Variants in DNAJB2 observed in about 807,000 individuals in gnomAD.
The protein encoded by DNAJB2 is DnaJ heat shock protein family (Hsp40) member B2.
Under a neutral mutation model 33.3 loss-of-function variants are expected in DNAJB2, and 19 were observed. The ratio of observed to expected loss-of-function variants is 0.57; its 90% CI spans 0.40 to 0.84. DNAJB2 has a LOEUF of 0.84. Among genes scored for constraint, DNAJB2 ranks in the 40% least tolerant of loss-of-function variants. The pLI, the probability that DNAJB2 is intolerant of heterozygous loss-of-function variation, is 0.00. For missense variants in DNAJB2, 368 were observed against 430.9 expected, an observed-to-expected ratio of 0.85 and a Z score of 1.29; for synonymous variants, 172 against 164.6, an observed-to-expected ratio of 1.04 and a Z score of -0.34.
chr2:219,283,675 C>A (rs1407448561), intron 8 of DNAJB2, among the ~76,000 whole-genome samples, 186 bp downstream of exon 8: 1 of 152,190 alleles, frequency 6.6e-6, no homozygotes, highest in Non-Finnish European at 1.5e-5. Flanking sequence ...GAAGCCATCG[C>A]CGTCACTGTG....
intron 7 of DNAJB2, 35 bp from the exon 8 acceptor site, chr2:219,283,384 A>G (rs1301732400): frequency 1.9e-6 from 3 of 1,611,650 alleles, no homozygotes; most frequent in Non-Finnish European, 2.5e-6. Flanking sequence ...GGATTCTGTC[A>G]CTGCTCGTTG....
intron 5 of DNAJB2, chr2:219,282,627 CT>C (rs1243750439): frequency 2.1e-6 from 1 of 486,760 alleles, no homozygotes; most frequent in East Asian, 3.4e-5. Context: ...CCCCTCCTTC[CT>C]TCCTTTATTC....
At chr2:219,280,246 G>C (rs556672818) in intron 2 of DNAJB2, 1 of 518,988 alleles carries the variant, frequency 1.9e-6, no homozygotes, top group Non-Finnish European at 3.5e-6. Context: ...GTGCAAAGAG[G>C]CTCTATGAGG....
At position 219,285,037 on chromosome 2, in the gene DNAJB2, T is replaced by C. The variant is rs1951942821; in HGVS notation, c.*50T>C. ...CCAGATCTTGACTGGGGGGTCTGAC[T>C]CACTGTGGGAAGAGAAGAGGGGAGT... On this transcript the variant is annotated 3_prime_UTR_variant, in exon 9 of 9. Transcript: ENST00000336576. 6.9e-7 allele frequency: 1 copy of C among 1,443,060 alleles called. No homozygotes were observed. The highest frequency in any genetic ancestry group is 9.2e-7 in the Non-Finnish European group (1 of 1,092,138). 89.4% of individuals were successfully genotyped at this position (1,443,060 alleles called of 1,614,324 possible).
chr2:219,283,408 G>A lies in DNAJB2; in HGVS notation c.549-11G>A. 6.2e-7 allele frequency: 1 copy of A among 1,613,640 alleles called. No individual in the cohort carries two copies. The highest frequency in any genetic ancestry group is 8.5e-7 in the Non-Finnish European group (1 of 1,179,668). Reference sequence around the variant, plus strand: ...CACTGCTCGTTGCCTGAACTGTGCTGTCTCCCACAGAATCATGGAGAACGG... The same window carrying A: ...CACTGCTCGTTGCCTGAACTGTGCTATCTCCCACAGAATCATGGAGAACGG... On this transcript the variant is annotated splice_polypyrimidine_tract_variant and intron_variant, in intron 7 of 8. Coordinates refer to ENST00000336576, the MANE Select transcript of DNAJB2 (RefSeq NM_006736.6).
At position 219,283,010 on chromosome 2, in the gene DNAJB2, C is replaced by T. The variant is rs2276639; in HGVS notation, c.445+81C>T. The stretch of plus-strand genomic sequence containing the variant: ...GAGCTTGTTGCTTTTCCAAGCCTGT[C>T]TCCTGTGTTGGGAGCCCTGCCTCCA... On this transcript the variant is annotated intron_variant, in intron 6 of 8. Transcript: ENST00000336576. 258,301 of 1,567,762 alleles carry T rather than the reference C, an allele frequency of 0.16. 23,260 individuals are homozygous for T. The highest frequency in any genetic ancestry group is 0.29 in the African/African-American group (21,222 of 73,594).
chr2:219,279,423 A>C lies in DNAJB2; in HGVS notation c.-132A>C, dbSNP rs1951882864. 1 of 173,466 alleles carries C rather than the reference A, an allele frequency of 5.8e-6. No homozygotes were observed. Among genetic ancestry groups the C allele is most frequent in the African/African-American group, 2.4e-5 (1 of 41,848 alleles). 10.7% of individuals were successfully genotyped at this position (173,466 alleles called of 1,614,324 possible). A position where few individuals can be genotyped will look rare whatever the true frequency, so the allele number is the denominator to read the frequency against. On this transcript the variant is annotated 5_prime_UTR_variant, in exon 1 of 9. Transcript: ENST00000336576. This position sits in a 1 kb window ranked among gnomAD's most constrained non-coding sequence, Gnocchi z 4.9. ...CGCACAGCTGGGCCGGGCGCGTCCT[A>C]CGCAGCAGCCGCGAGCCGGGCTGCG...
Position 219,284,867 on chromosome 2 carries a change from G to C in DNAJB2, c.855G>C (p.Gly285=). 6.2e-7 allele frequency: 1 copy of C among 1,609,262 alleles called. No homozygotes were observed. The highest frequency in any genetic ancestry group is 2.2e-5 in the East Asian group (1 of 44,730). Residue 285 remains glycine, a synonymous_variant, in exon 9 of 9, where the codon GGG becomes GGC. Transcript: ENST00000336576. Reference sequence around the variant, plus strand: ...GGGAGGCACAGCACCGACGGCAGGGGCGGCCCAAGGCCCAGCACCAAGATC... The same window carrying C: ...GGGAGGCACAGCACCGACGGCAGGGCCGGCCCAAGGCCCAGCACCAAGATC... The part of the protein sequence containing the change: ...GGREAQHRRQ[G]RPKAQHQDPG...
Position 219,279,714 on chromosome 2 carries a change from C to A in DNAJB2, c.-36-84C>A. The A allele has an allele frequency of 8.9e-7, 1 of 1,126,410 alleles. No homozygotes were observed. The highest frequency in any genetic ancestry group is 1.4e-5 in the South Asian group (1 of 71,088). 69.8% of individuals were successfully genotyped at this position (1,126,410 alleles called of 1,614,324 possible). A position where few individuals can be genotyped will look rare whatever the true frequency, so the allele number is the denominator to read the frequency against. On this transcript the variant is annotated intron_variant, in intron 1 of 8. Transcript: ENST00000336576. This position sits in a 1 kb window ranked among gnomAD's most constrained non-coding sequence, Gnocchi z 4.9. ...TGTGCTCCGCTTCCAACTGGGAGCG[C>A]CTTCCGCCACCCGGGGAGGGGGACT... is the stretch of plus-strand genomic sequence containing the variant.
chr2:219,285,902 A>G lies in DNAJB2; in HGVS notation c.*915A>G. 1 of 1,580,276 alleles carries G rather than the reference A, an allele frequency of 6.3e-7. No homozygotes were observed. The highest frequency in any genetic ancestry group is 8.6e-7 in the Non-Finnish European group (1 of 1,164,916). On this transcript the variant is annotated 3_prime_UTR_variant, in exon 9 of 9. Transcript: ENST00000336576. ...GGGCTCAGGGAGAGGCCATGCGGCC[A>G]GCCCAGGTCTGCATGCTGAGCCCCA...
At chr2:219,283,832 G>A (rs1445243181) in intron 8 of DNAJB2, among the ~76,000 whole-genome samples, 2 of 152,210 alleles carry the variant, frequency 1.3e-5, no homozygotes, top group Non-Finnish European at 2.9e-5. Context: ...CTGAGCTGCA[G>A]CATAGTTAAA....
intron 6 of DNAJB2, 29 bp from the exon 7 acceptor site, chr2:219,283,104 C>T (rs1951921240): frequency 1.9e-6 from 3 of 1,606,062 alleles, no homozygotes; most frequent in South Asian, 1.1e-5. Context: ...CTAACCACCT[C>T]TCCTCCTCCT....
Position 219,282,850 on chromosome 2 carries a change from CT to C in DNAJB2, c.368del (p.Phe123SerfsTer78). ...FAELFDDLGP[F>X]SELQNRGSRH... Reference sequence around the variant, plus strand: ...TACTTGTTGCAGATGACCTGGGCCCCTTCTCAGAGCTTCAGAACCGGGGTTC... The same window carrying C: ...TACTTGTTGCAGATGACCTGGGCCCCTCTCAGAGCTTCAGAACCGGGGTTC... On this transcript the variant is annotated frameshift_variant, in exon 6 of 9. Coordinates refer to ENST00000336576, the MANE Select transcript of DNAJB2 (RefSeq NM_006736.6). LOFTEE classifies it high-confidence loss of function. 1 of 1,593,432 alleles carries C rather than the reference CT, an allele frequency of 6.3e-7. No homozygotes were observed. The highest frequency in any genetic ancestry group is 8.5e-7 in the Non-Finnish European group (1 of 1,172,756).
Position 219,284,918 on chromosome 2 carries a change from T to C in DNAJB2, c.906T>C (p.Gly302=). The change falls in exon 9 of 9, where the codon GGT becomes GGC. Residue 302 remains glycine, a synonymous_variant. Transcript: ENST00000336576. ...QDPGLGGTQE[G]ARGEATKRSP... is the part of the protein sequence containing the mutation. ...CAGGCTTGGGGGGGACCCAGGAGGG[T>C]GCGAGGGGTGAAGCAACCAAACGCA... The C allele has an allele frequency of 6.3e-7, 1 of 1,584,478 alleles. No homozygotes were observed. The highest frequency in any genetic ancestry group is 8.6e-7 in the Non-Finnish European group (1 of 1,161,948).
Position 219,280,636 on chromosome 2 carries a change from G to A in DNAJB2, c.124G>A (p.Ala42Thr), listed in dbSNP as rs748820330. 6.2e-7 allele frequency: 1 copy of A among 1,614,138 alleles called. No homozygotes were observed. The highest frequency in any genetic ancestry group is 1.1e-5 in the South Asian group (1 of 91,084). The change falls in exon 3 of 9, where the codon GCT (alanine) becomes ACT (threonine). Residue 42 changes from alanine (A) to threonine (T), a missense_variant. Coordinates refer to ENST00000336576, the MANE Select transcript of DNAJB2 (RefSeq NM_006736.6). ...CAAAAACCCAGATAATAAAGAGTTT[G>A]CTGAGAAGAAATTTAAGGAGGTGGC... ...PDKNPDNKEF[A>T]EKKFKEVAEA...
In DNAJB2 at chr2:219,285,106, A is replaced by G. The variant is rs1282549585; in HGVS notation, c.*119A>G. ...TGCTTTCCAACTCCAAGCTCCCTCC[A>G]CAAGTTTCCCTCCCAGGCCCCCCAC... is the stretch of plus-strand genomic sequence containing the variant. On this transcript the variant is annotated 3_prime_UTR_variant, in exon 9 of 9. Transcript: ENST00000336576. 8.7e-6 allele frequency: 12 copies of G among 1,386,376 alleles called. No homozygotes were observed. The highest frequency in any genetic ancestry group is 7.5e-6 in the Non-Finnish European group (8 of 1,063,774). The allele number at this position is 1,386,376 out of a possible 1,614,324, so 85.9% of individuals were successfully genotyped here. A position where few individuals can be genotyped will look rare whatever the true frequency, so the allele number is the denominator to read the frequency against.
intron 2 of DNAJB2, chr2:219,280,271 TC>T (rs1951892415): frequency 3.8e-6 from 2 of 529,636 alleles, no homozygotes; most frequent in South Asian, 4.7e-5. Context: ...GGGGCCGGTG[TC>T]CCTGTACTCT....
chr2:219,285,301 C>T lies in DNAJB2; in HGVS notation c.*314C>T, dbSNP rs934357654. On this transcript the variant is annotated 3_prime_UTR_variant, in exon 9 of 9. Coordinates refer to ENST00000336576, the MANE Select transcript of DNAJB2 (RefSeq NM_006736.6). ...GTGGTTTGGGCTGGGCCTTTTGTGC[C>T]CTGGTACTCTGCCACCTGTGTTGCT... 1.0e-5 allele frequency: 11 copies of T among 1,082,376 alleles called. No individual in the cohort carries two copies. The highest frequency in any genetic ancestry group is 1.2e-5 in the Non-Finnish European group (11 of 892,322). 67.0% of individuals were successfully genotyped at this position (1,082,376 alleles called of 1,614,324 possible).
Position 219,282,873 on chromosome 2 carries a change from G to A in DNAJB2, c.389G>A (p.Gly130Asp). The A allele has an allele frequency of 6.2e-7, 1 of 1,606,784 alleles. No individual in the cohort carries two copies. Among genetic ancestry groups the A allele is most frequent in the East Asian group, 2.2e-5 (1 of 44,852 alleles). Residue 130 changes from glycine (G) to aspartate (D), a missense_variant, in exon 6 of 9, where the codon GGT becomes GAT. Physicochemically the swap from Gly to Asp is moderately conservative, Grantham distance 94. Coordinates refer to ENST00000336576, the MANE Select transcript of DNAJB2 (RefSeq NM_006736.6). ...LGPFSELQNR[G>D]SRHSGPFFTF... ...CCCTTCTCAGAGCTTCAGAACCGGG[G>A]TTCCCGACACTCAGGCCCCTTCTTT...
Sources: gnomAD v4.1 joint callset for allele counts (sites outside exome capture counted in the v4.1 genomes callset) on GRCh38, gnomAD v4.1.1 for gene constraint, Gnocchi (gnomAD v3.1) non-coding constraint, MANE v1.5 for transcripts, NCBI Gene and HGNC (gene_info 2026-07-23, HGNC 2026-07-21) for gene names.